SMARCA5: variants seen among roughly 807,000 people sequenced by gnomAD.
SMARCA5 encodes SNF2 related chromatin remodeling ATPase 5.
SMARCA5 carries 18 observed loss-of-function variants against 140.4 expected under a neutral mutation model. The ratio of observed to expected loss-of-function variants is 0.13; its 90% CI spans 0.09 to 0.19. SMARCA5 has a LOEUF of 0.19. Among genes scored for constraint, SMARCA5 ranks in the 10% least tolerant of loss-of-function variants. The pLI is 1.00. For synonymous variants in SMARCA5, 449 were observed against 419.6 expected (o/e 1.07, Z -0.86); for missense variants, 606 against 1,276.8 (o/e 0.47, Z 8.01).
Position 143,527,930 on chromosome 4 carries a change from A to G in SMARCA5, c.864A>G (p.Glu288=). 1 of 1,603,486 alleles carries G rather than the reference A, an allele frequency of 6.2e-7. No homozygotes were observed. Among genetic ancestry groups the G allele is most frequent in the Non-Finnish European group, 8.5e-7 (1 of 1,176,866 alleles). ...GEWDVCVTSY[E]MLIKEKSVFK... ...GGGATGTATGTGTAACATCTTATGA[A>G]ATGCTTATTAAAGAGAAGTCTGTGT... The change falls in exon 7 of 24, where the codon GAA becomes GAG. Residue 288 remains glutamate (E), a synonymous_variant. Coordinates refer to ENST00000283131, the MANE Select transcript of SMARCA5 (RefSeq NM_003601.4).
intron 3 of SMARCA5, among the ~76,000 whole-genome samples, chr4:143,524,113 T>G (rs1259184598): frequency 6.6e-6 from 1 of 152,212 alleles, no homozygotes; most frequent in African/African-American, 2.4e-5. Context: ...GAAATTTGAC[T>G]ATCATATTTG....
chr4:143,542,617 T>G (rs1231932410), intron 14 of SMARCA5, among the ~76,000 whole-genome samples: 2 of 152,202 alleles, frequency 1.3e-5, no homozygotes, highest in African/African-American at 4.8e-5. Context: ...CTTTTTCCAC[T>G]TACTTACAAG....
rs200612569 is a variant in SMARCA5 at position 143,542,505 on chromosome 4, G to GAT, written c.1904-1001_1904-1000dup. Among the ~76,000 whole-genome samples, 682 of 152,228 alleles carry GAT rather than the reference G, an allele frequency of 4.5e-3. 4 individuals are homozygous for GAT. The highest frequency in any genetic ancestry group is 0.016 in the African/African-American group (654 of 41,550). On this transcript the variant is annotated intron_variant, in intron 14 of 23. Transcript: ENST00000283131. ...CCAATCCAAGGAAACATACCTTGTG[G>GAT]ATATCTCCTCACTTACAAAGTCATG...
intron 9 of SMARCA5, among the ~76,000 whole-genome samples, chr4:143,531,595 C>T (rs762361046): frequency 6.6e-6 from 1 of 152,196 alleles, no homozygotes; most frequent in African/African-American, 2.4e-5. Context: ...GCAGTAGTAA[C>T]ATTCCTCCAG....
In SMARCA5 at chr4:143,544,760, A is replaced by G. The variant is rs757583663; in HGVS notation, c.2196A>G (p.Glu732=). Reference sequence around the variant, plus strand: ...AGATTGCATTCACAGAGTGGATTGAACCACCTAAACGAGAAAGAAAAGCCA... The same window carrying G: ...AGATTGCATTCACAGAGTGGATTGAGCCACCTAAACGAGAAAGAAAAGCCA... ...KQKIAFTEWI[E]PPKRERKANY... Residue 732 remains glutamate (E), a synonymous_variant, in exon 17 of 24, where the codon GAA becomes GAG. Transcript: ENST00000283131. 6.2e-7 allele frequency: 1 copy of G among 1,611,012 alleles called. No individual in the cohort carries two copies. The highest frequency in any genetic ancestry group is 8.5e-7 in the Non-Finnish European group (1 of 1,178,166).
intron 21 of SMARCA5, 131 bp from the exon 22 acceptor site, chr4:143,547,797 C>A: frequency 1.7e-6 from 1 of 574,486 alleles, no homozygotes. Flanking sequence ...TTATATAAAG[C>A]AATTGAAGTG....
chr4:143,517,530 AC>A, intron 2 of SMARCA5, 101 bp downstream of exon 2: 1 of 644,416 alleles, frequency 1.6e-6, no homozygotes, highest in Non-Finnish European at 2.6e-6. Flanking sequence ...TTACAACAAT[AC>A]CACAGACTGG....
chr4:143,542,245 G>A (rs764586104), intron 14 of SMARCA5, among the ~76,000 whole-genome samples: 1 of 152,082 alleles, frequency 6.6e-6, no homozygotes, highest in South Asian at 2.1e-4. Flanking sequence ...CATATTTACT[G>A]TGGCAATTTT....
In SMARCA5 at chr4:143,550,094, C is replaced by G. The variant is rs755343336; in HGVS notation, c.3083C>G (p.Pro1028Arg). 2 of 1,560,370 alleles carry G rather than the reference C, an allele frequency of 1.3e-6. No homozygotes were observed. Among genetic ancestry groups the G allele is most frequent in the Non-Finnish European group, 1.7e-6 (2 of 1,148,536 alleles). Reference sequence around the variant, plus strand: ...AAGGCAGAGAAAAAGAAACGAGGACCAAAGCCTTCAGTAAGTATTCATGAA... The same window carrying G: ...AAGGCAGAGAAAAAGAAACGAGGACGAAAGCCTTCAGTAAGTATTCATGAA... ...KEKAEKKKRGPKPSTQKRKMD... is the reference protein window; with the variant it reads ...KEKAEKKKRGRKPSTQKRKMD... Residue 1028 changes from proline (P) to arginine (R), a missense_variant, in exon 23 of 24, where the codon CCA becomes CGA. Physicochemically the swap from Pro to Arg is moderately radical, Grantham distance 103. This residue lies in a region of SMARCA5 where 40 missense variants were observed against 59.8 expected (regional missense o/e 0.67). Transcript: ENST00000283131.
intron 9 of SMARCA5, 39 bp downstream of exon 9, chr4:143,530,565 G>A: frequency 7.4e-7 from 1 of 1,349,312 alleles, no homozygotes; most frequent in Non-Finnish European, 1.0e-6. Context: ...TATTTATGAT[G>A]GGAAAAAGGA....
intron 22 of SMARCA5, among the ~76,000 whole-genome samples, chr4:143,548,612 A>G (rs906601730): frequency 6.6e-6 from 1 of 152,094 alleles, no homozygotes; most frequent in Admixed American, 6.6e-5. Flanking sequence ...ATATCTGACT[A>G]ACAGTTTCTG....
chr4:143,545,201 A>G (rs1424510048), intron 17 of SMARCA5, among the ~76,000 whole-genome samples: 1 of 152,152 alleles, frequency 6.6e-6, no homozygotes, highest in Non-Finnish European at 1.5e-5. Context: ...TTGGTCTCCC[A>G]AAGTATTGGG....
At chr4:143,552,198 C>G (rs1322872178) in intron 23 of SMARCA5, among the ~76,000 whole-genome samples, 3 of 151,918 alleles carry the variant, frequency 2.0e-5, no homozygotes, top group African/African-American at 7.2e-5. Context: ...TCACATTCTT[C>G]ACTGTTGGCA....
At position 143,513,907 on chromosome 4, in the gene SMARCA5, T is replaced by C; in HGVS notation, c.-18T>C. 1 of 1,536,468 alleles carries C rather than the reference T, an allele frequency of 6.5e-7. No homozygotes were observed. Among genetic ancestry groups the C allele is most frequent in the Non-Finnish European group, 8.7e-7 (1 of 1,147,730 alleles). Reference sequence around the variant, plus strand: ...GACTCGGGCCTCTGGCAGCAGCGGGTGACGCAGACGGAACATCATGTCGTC... The same window carrying C: ...GACTCGGGCCTCTGGCAGCAGCGGGCGACGCAGACGGAACATCATGTCGTC... On this transcript the variant is annotated 5_prime_UTR_variant, in exon 1 of 24. Coordinates refer to ENST00000283131, the MANE Select transcript of SMARCA5 (RefSeq NM_003601.4).
rs1030733064 is a variant in SMARCA5, at chr4:143,556,807, G to A, written c.*3623G>A. ...CCAGAATCGTTTTGGATCTGTTAAGGTTTTTATTAGAATGATTAAATAGGC... is the reference window on the plus strand; with the variant it reads ...CCAGAATCGTTTTGGATCTGTTAAGATTTTTATTAGAATGATTAAATAGGC... On this transcript the variant is annotated 3_prime_UTR_variant, in exon 24 of 24. Transcript: ENST00000283131. 2 of 152,190 alleles carry A rather than the reference G, an allele frequency of 1.3e-5. No homozygotes were observed. Among genetic ancestry groups the A allele is most frequent in the African/African-American group, 4.8e-5 (2 of 41,522 alleles). The allele number at this position is 152,190 out of a possible 1,614,324, so 9.4% of individuals were successfully genotyped here. A position where few individuals can be genotyped will look rare whatever the true frequency, so the allele number is the denominator to read the frequency against.
Position 143,555,114 on chromosome 4 carries a change from T to C in SMARCA5, c.*1930T>C, listed in dbSNP as rs1276074438. On this transcript the variant is annotated 3_prime_UTR_variant, in exon 24 of 24. Coordinates refer to ENST00000283131, the MANE Select transcript of SMARCA5 (RefSeq NM_003601.4). ...CTTCTGTCAGTGCCACAGCTACTACTGCTACTGGAACTGCCTTAACCACTA... is the reference window on the plus strand; with the variant it reads ...CTTCTGTCAGTGCCACAGCTACTACCGCTACTGGAACTGCCTTAACCACTA... The C allele has an allele frequency of 3.0e-6, 2 of 673,778 alleles. No individual in the cohort carries two copies. The highest frequency in any genetic ancestry group is 2.8e-6 in the Non-Finnish European group (1 of 362,802). The allele number at this position is 673,778 out of a possible 1,614,324, so 41.7% of individuals were successfully genotyped here. A position where few individuals can be genotyped will look rare whatever the true frequency, so the allele number is the denominator to read the frequency against.
At chr4:143,538,211 G>A (rs1196702994) in intron 11 of SMARCA5, among the ~76,000 whole-genome samples, 2 of 152,142 alleles carry the variant, frequency 1.3e-5, no homozygotes, top group African/African-American at 4.8e-5. Flanking sequence ...GAACCAGGCT[G>A]AGACCAGGAT....
intron 7 of SMARCA5, 65 bp from the exon 8 acceptor site, chr4:143,528,518 T>A (rs776944199): frequency 1.7e-5 from 25 of 1,442,094 alleles, no homozygotes; most frequent in Non-Finnish European, 2.4e-5. Context: ...GTTCCAGGTC[T>A]TTGCTGTTGT....
chr4:143,517,353 A>T lies in SMARCA5; in HGVS notation c.178-2A>T. On this transcript the variant is annotated splice_acceptor_variant, in intron 1 of 23. Coordinates refer to ENST00000283131, the MANE Select transcript of SMARCA5 (RefSeq NM_003601.4). LOFTEE classifies it high-confidence loss of function. ...TTCTATTTAATTATTTCTTTCTACC[A>T]GGAAATATTTGATGATGCGTCACCT... is the stretch of plus-strand genomic sequence containing the variant. The T allele has an allele frequency of 6.2e-7, 1 of 1,602,034 alleles. No individual in the cohort carries two copies.
Sources: allele counts gnomAD v4.1 joint callset (sites outside exome capture counted in the v4.1 genomes callset), GRCh38; gene constraint gnomAD v4.1.1; regional missense constraint gnomAD v4.1.1; transcripts MANE v1.5; gene names NCBI Gene and HGNC (gene_info 2026-07-23, HGNC 2026-07-21).